Variants in SLX4IP observed in about 807,000 individuals in gnomAD.
The protein encoded by SLX4IP is SLX4 interacting protein.
In SLX4IP, 34 loss-of-function variants were observed where a neutral mutation model predicts 32.9. The observed-to-expected ratio is 1.03, with a 90% CI of 0.79 to 1.38. The LOEUF is 1.38. SLX4IP is among the 40% of genes most tolerant of loss of function. SLX4IP has a pLI of 0.00. For synonymous variants in SLX4IP, 172 were observed against 171.7 expected, an observed-to-expected ratio of 1.00 and a Z score of -0.01; for missense variants, 444 against 479.0, an observed-to-expected ratio of 0.93 and a Z score of 0.68.
intron 1 of SLX4IP, among the ~76,000 whole-genome samples, chr20:10,440,730 T>G (rs1304134028): frequency 6.6e-6 from 1 of 152,186 alleles, no homozygotes; most frequent in Non-Finnish European, 1.5e-5. Context: ...TGATTAGATT[T>G]TAAAACTATT....
chr20:10,613,131 A>G (rs1468242226), intron 6 of SLX4IP: 2 of 405,770 alleles, frequency 4.9e-6, no homozygotes, highest in Non-Finnish European at 9.1e-6. Context: ...CATCCTAGAT[A>G]AGAGTGCTGT....
At chr20:10,604,603 C>T (rs558730191) in intron 6 of SLX4IP, among the ~76,000 whole-genome samples, 4 of 152,340 alleles carry the variant, frequency 2.6e-5, no homozygotes, top group East Asian at 1.9e-4. Flanking sequence ...CCCTCCTTTA[C>T]GGAGCAGAGC....
chr20:10,595,939 T>C (rs1216017419), intron 4 of SLX4IP, among the ~76,000 whole-genome samples: 2 of 152,226 alleles, frequency 1.3e-5, no homozygotes, highest in Non-Finnish European at 2.9e-5. Context: ...AATAACAAGA[T>C]GCTATTTAGA....
At chr20:10,579,523 G>A (rs1198303923) in intron 4 of SLX4IP, among the ~76,000 whole-genome samples, 1 of 151,748 alleles carries the variant, frequency 6.6e-6, no homozygotes, top group Admixed American at 6.6e-5. Context: ...CGCCTCCCAG[G>A]TTCAACCGAT....
chr20:10,597,884 T>C (rs1237913370), intron 4 of SLX4IP, among the ~76,000 whole-genome samples: 1 of 152,232 alleles, frequency 6.6e-6, no homozygotes, highest in Non-Finnish European at 1.5e-5. Flanking sequence ...TAGGCCACTC[T>C]GGTGAGTTGG....
Position 10,622,705 on chromosome 20 carries a change from A to G in SLX4IP, c.553A>G (p.Thr185Ala). The change falls in exon 8 of 8, where the codon ACC becomes GCC. Residue 185 changes from threonine to alanine, a missense_variant. By Grantham distance (58) the Thr-to-Ala change is moderately conservative. Transcript: ENST00000334534. ...TKSSVTSKSQ[T>A]RRDTVETSSD... ...AAGCAGTGTCACGAGCAAATCGCAGACCAGAAGAGACACTGTGGAAACATC... is the reference window on the plus strand; with the variant it reads ...AAGCAGTGTCACGAGCAAATCGCAGGCCAGAAGAGACACTGTGGAAACATC... 1.2e-6 allele frequency: 2 copies of G among 1,613,718 alleles called. No individual in the cohort carries two copies. The highest frequency in any genetic ancestry group is 1.7e-6 in the Non-Finnish European group (2 of 1,179,972).
intron 2 of SLX4IP, among the ~76,000 whole-genome samples, chr20:10,493,771 G>GA (rs2065644712): frequency 1.3e-5 from 2 of 149,594 alleles, no homozygotes; most frequent in African/African-American, 4.9e-5. Flanking sequence ...CATTTTAGAT[G>GA]AAAAATGTTT....
intron 1 of SLX4IP, among the ~76,000 whole-genome samples, chr20:10,441,655 G>A (rs1049047395): frequency 4.6e-5 from 7 of 151,858 alleles, no homozygotes; most frequent in Non-Finnish European, 1.0e-4. Context: ...TAGTGACAAA[G>A]GATTTTTAAA....
At chr20:10,540,096 T>TTCCTTTCCTTTCC (rs1380282080) in intron 2 of SLX4IP, among the ~76,000 whole-genome samples, 3 of 111,748 alleles carry the variant, frequency 2.7e-5, no homozygotes, top group Non-Finnish European at 5.8e-5. Flanking sequence ...CCTTCCTTCC[T>TTCCTTTCCTTTCC]TTCCTTCCTT....
intron 2 of SLX4IP, among the ~76,000 whole-genome samples, chr20:10,470,747 C>G (rs1170476046): frequency 2.0e-5 from 3 of 152,146 alleles, no homozygotes; most frequent in Non-Finnish European, 4.4e-5. Flanking sequence ...GAAAAATTCA[C>G]CATATGTTAC....
rs926043427 is a variant in SLX4IP, at chr20:10,593,045, A to G, written c.239-5630A>G. ...CCTGTTCTCTTATTAAATCACAACCAAGCTTGAGAACTGACTCATGACTTC... is the reference window on the plus strand; with the variant it reads ...CCTGTTCTCTTATTAAATCACAACCGAGCTTGAGAACTGACTCATGACTTC... On this transcript the variant is annotated intron_variant, in intron 4 of 7. Coordinates refer to ENST00000334534, the MANE Select transcript of SLX4IP (RefSeq NM_001009608.3). Among the ~76,000 whole-genome samples the G allele has an allele frequency of 3.9e-4, 59 of 152,138 alleles. 1 individual carries two copies. Among genetic ancestry groups the G allele is most frequent in the Admixed American group, 3.9e-3 (59 of 15,274 alleles).
intron 2 of SLX4IP, among the ~76,000 whole-genome samples, chr20:10,490,205 G>T (rs1600924532): frequency 7.1e-6 from 1 of 141,606 alleles, no homozygotes; most frequent in Non-Finnish European, 1.5e-5. Context: ...TTTTTTTTTA[G>T]ACTAAAACTA....
intron 4 of SLX4IP, among the ~76,000 whole-genome samples, chr20:10,571,131 C>T (rs2066460472): frequency 6.6e-6 from 1 of 152,194 alleles, no homozygotes; most frequent in Non-Finnish European, 1.5e-5. Flanking sequence ...CCATGCCTGG[C>T]CTGCATCACC....
intron 4 of SLX4IP, among the ~76,000 whole-genome samples, chr20:10,580,925 A>G (rs1212950989): frequency 1.3e-5 from 2 of 152,142 alleles, no homozygotes; most frequent in African/African-American, 4.8e-5. Context: ...GCTCACCATG[A>G]ATGTGATATT....
Position 10,601,817 on chromosome 20 carries a change from T to A in SLX4IP, c.403T>A (p.Leu135Met), listed in dbSNP as rs747900756. ...TCTTTTAGCAAGTCAGAATGAAGATTTGGTGAGTATGAAAAAATTCTATAA... is the reference window on the plus strand; with the variant it reads ...TCTTTTAGCAAGTCAGAATGAAGATATGGTGAGTATGAAAAAATTCTATAA... Reference protein sequence around the residue: ...RDLLASQNEDLTERVLHGVSD... With the variant: ...RDLLASQNEDMTERVLHGVSD... Residue 135 changes from leucine (L) to methionine (M), a missense_variant and splice_region_variant, in exon 6 of 8, where the codon TTG becomes ATG. Coordinates refer to ENST00000334534, the MANE Select transcript of SLX4IP (RefSeq NM_001009608.3). 3.1e-6 allele frequency: 5 copies of A among 1,613,410 alleles called. No homozygotes were observed. Among genetic ancestry groups the A allele is most frequent in the Non-Finnish European group, 4.2e-6 (5 of 1,179,446 alleles).
At chr20:10,620,258 C>G (rs1170769100) in intron 6 of SLX4IP, among the ~76,000 whole-genome samples, 1 of 152,164 alleles carries the variant, frequency 6.6e-6, no homozygotes, top group Non-Finnish European at 1.5e-5. Context: ...GAGTTAACAC[C>G]TTGTATGGAT....
At chr20:10,530,662 A>G (rs572521750) in intron 2 of SLX4IP, among the ~76,000 whole-genome samples, 2 of 152,354 alleles carry the variant, frequency 1.3e-5, no homozygotes, top group South Asian at 4.1e-4. Flanking sequence ...TAAATTATTT[A>G]TGGCATGAGC....
In SLX4IP at chr20:10,612,382, G is replaced by A. The variant is rs566076510; in HGVS notation, c.406-8932G>A. 4.6e-5 allele frequency among the ~76,000 whole-genome samples: 7 copies of A among 152,278 alleles called. No individual in the cohort carries two copies. The East Asian group carries it at 9.6e-4, about 21-fold the overall frequency. ...CCGTTTCACCTCTGTGCTGGGACTC[G>A]TGTGCCAGGAGCCTCAGCCTGATTC... is the stretch of plus-strand genomic sequence containing the variant. On this transcript the variant is annotated intron_variant, in intron 6 of 7. Coordinates refer to ENST00000334534, the MANE Select transcript of SLX4IP (RefSeq NM_001009608.3).
chr20:10,531,654 T>C (rs1289836530), intron 2 of SLX4IP, among the ~76,000 whole-genome samples: 1 of 152,180 alleles, frequency 6.6e-6, no homozygotes, highest in East Asian at 1.9e-4. Context: ...CAATTTCAGA[T>C]ACCGAGACGT....
Sources: allele counts gnomAD v4.1 joint callset (sites outside exome capture counted in the v4.1 genomes callset), GRCh38; gene constraint gnomAD v4.1.1; transcripts MANE v1.5; gene names NCBI Gene and HGNC (gene_info 2026-07-23, HGNC 2026-07-21).